The following PRH1 variants were observed in gnomAD, a reference collection of about 807,000 sequenced individuals.
PRH1 encodes the protein proline rich protein HaeIII subfamily 1.
Under a neutral mutation model 7.9 loss-of-function variants are expected in PRH1, and 7 were observed. That is an observed-to-expected ratio of 0.89 (90% confidence interval 0.50 to 1.67). The LOEUF (loss-of-function observed/expected upper bound fraction) is 1.67, where lower values mean the gene tolerates loss of function less well. Among genes scored for constraint, PRH1 ranks in the 40% most tolerant of loss-of-function variants. The pLI, the probability that PRH1 is intolerant of heterozygous loss-of-function variation, is 0.00. For missense variants in PRH1, 109 were observed against 223.6 expected (o/e 0.49, Z 3.27); for synonymous variants, 45 against 80.8 (o/e 0.56, Z 2.38).
chr12:10,938,168 G>T lies in PRH1; in HGVS notation c.-59+35487C>A, dbSNP rs528292977. On this transcript the variant is annotated intron_variant, in intron 2 of 3. Transcript: ENST00000539853. ...AGCATATCTTTGTAAAATTCACAAA[G>T]TTATACACAATGAAAGAATCTTAAG... The T allele has an allele frequency of 1.0e-3, 956 of 935,330 alleles. 13 individuals carry two copies. The South Asian group carries it at 0.016, about 16-fold the overall frequency. The allele number at this position is 935,330 out of a possible 1,614,324, so 57.9% of individuals were successfully genotyped here. A position where few individuals can be genotyped will look rare whatever the true frequency, so the allele number is the denominator to read the frequency against.
intron 1 of PRH1, among the ~76,000 whole-genome samples, chr12:11,114,785 CTTGT>C (rs1359880119): frequency 4.6e-5 from 7 of 152,046 alleles, no homozygotes; most frequent in Non-Finnish European, 1.0e-4. Flanking sequence ...TGTTTTTGTG[CTTGT>C]TTGTTTGCTT....
chr12:11,088,089 C>T (rs1297334238), intron 1 of PRH1, among the ~76,000 whole-genome samples: 2 of 129,974 alleles, frequency 1.5e-5, no homozygotes, highest in African/African-American at 2.7e-5. Context: ...GACTGTAATG[C>T]CATCATTTTA....
chr12:11,130,306 GT>G lies in PRH1; in HGVS notation n.40-9127del, dbSNP rs1386414166. Among the ~76,000 whole-genome samples the G allele has an allele frequency of 3.3e-5, 5 of 152,132 alleles. No homozygotes were observed. In the East Asian group the frequency reaches 9.6e-4, roughly 29 times the overall value. Reference sequence around the variant, plus strand: ...TTCAGGGACCGACAACATAGGTGATGTTTTAAGGTTTTTAGTGTCCCTAGTC... The same window carrying G: ...TTCAGGGACCGACAACATAGGTGATGTTTAAGGTTTTTAGTGTCCCTAGTC... On this transcript the variant is annotated intron_variant and non_coding_transcript_variant, in intron 1 of 1. Coordinates refer to the PRH1 transcript ENST00000541175.
At chr12:11,008,236 T>C (rs1177640657) in intron 1 of PRH1, among the ~76,000 whole-genome samples, 1 of 152,092 alleles carries the variant, frequency 6.6e-6, no homozygotes, top group African/African-American at 2.4e-5. Context: ...TAAGAATGCA[T>C]ATAAGTAGTT....
At chr12:10,959,721 C>A (rs777452790) in intron 2 of PRH1, among the ~76,000 whole-genome samples, 19 of 152,018 alleles carry the variant, frequency 1.2e-4, no homozygotes, top group Non-Finnish European at 2.4e-4. Flanking sequence ...ATCTGCAATG[C>A]TATATTAAAA....
At chr12:11,161,517 G>A (rs1467030491) in intron 1 of PRH1, among the ~76,000 whole-genome samples, 1 of 152,174 alleles carries the variant, frequency 6.6e-6, no homozygotes, top group East Asian at 1.9e-4. Context: ...GGCCCTAGGG[G>A]AAGTGGTTGA....
intron 1 of PRH1, among the ~76,000 whole-genome samples, chr12:10,995,496 C>T (rs902971943): frequency 4.6e-5 from 7 of 152,242 alleles, no homozygotes; most frequent in African/African-American, 1.7e-4. Context: ...AATATGTCAA[C>T]ACACTTTCTC....
At chr12:11,021,291 A>G (rs1214786296) in intron 1 of PRH1, among the ~76,000 whole-genome samples, 1 of 152,172 alleles carries the variant, frequency 6.6e-6, no homozygotes, top group Non-Finnish European at 1.5e-5. Context: ...AAGCACATAT[A>G]TGTGGTACAA....
At chr12:11,120,757 A>G (rs1945875784), downstream of PRH1, 1 of 152,080 alleles carries the variant, frequency 6.6e-6, no homozygotes. Context: ...TGTTGTGTAT[A>G]TATTTTTACT....
intron 1 of PRH1, among the ~76,000 whole-genome samples, chr12:11,104,741 C>G (rs1945361634): frequency 1.3e-5 from 2 of 150,070 alleles, no homozygotes; most frequent in Admixed American, 1.3e-4. Flanking sequence ...CCATACTCAG[C>G]CGAAATGATG....
At chr12:10,934,089 A>C (rs940203957) in intron 2 of PRH1, among the ~76,000 whole-genome samples, 3 of 152,162 alleles carry the variant, frequency 2.0e-5, no homozygotes, top group Non-Finnish European at 4.4e-5. Flanking sequence ...ATAATAAGAA[A>C]ATGATTATTC....
intron 1 of PRH1, among the ~76,000 whole-genome samples, chr12:11,012,839 G>C (rs182104635): frequency 5.6e-4 from 85 of 152,196 alleles, no homozygotes; most frequent in African/African-American, 1.9e-3. Context: ...ATACAGGCGT[G>C]AACTGCACCT....
At chr12:11,164,170 A>G (rs974895038) in intron 1 of PRH1, among the ~76,000 whole-genome samples, 19 of 152,224 alleles carry the variant, frequency 1.2e-4, no homozygotes, top group Non-Finnish European at 2.1e-4. Flanking sequence ...TGTTTCTAGA[A>G]GAGATGAGCA....
intron 2 of PRH1, among the ~76,000 whole-genome samples, chr12:10,890,908 T>C (rs1949564037): frequency 6.6e-6 from 1 of 151,810 alleles, no homozygotes. Flanking sequence ...CTTTTGTATT[T>C]CCTCACATGC....
downstream of PRH1, among the ~76,000 whole-genome samples, chr12:11,116,246 C>T (rs538046212): frequency 6.6e-6 from 1 of 151,982 alleles, no homozygotes; most frequent in African/African-American, 2.4e-5. Flanking sequence ...TTATTAGTGA[C>T]TACTATGAGC....
intron 1 of PRH1, among the ~76,000 whole-genome samples, chr12:11,075,308 C>G (rs34952639): frequency 0.28 from 38,366 of 136,308 alleles, 3,528 homozygotes; most frequent in East Asian, 0.57. Context: ...TATCATAATA[C>G]AAATATATCA....
intron 1 of PRH1, among the ~76,000 whole-genome samples, chr12:11,069,303 A>G (rs1334022500): frequency 5.0e-3 from 763 of 151,844 alleles, no homozygotes; most frequent in African/African-American, 0.017. Context: ...GTGAATAAAT[A>G]ATTAATATAA....
intron 2 of PRH1, among the ~76,000 whole-genome samples, chr12:10,898,303 G>T (rs1254675754): frequency 6.6e-6 from 1 of 152,104 alleles, no homozygotes; most frequent in Non-Finnish European, 1.5e-5. Context: ...AGGAGTCAAA[G>T]AAATGAATGA....
intron 2 of PRH1, among the ~76,000 whole-genome samples, chr12:10,915,787 C>T (rs1359570691): frequency 6.6e-6 from 1 of 152,214 alleles, no homozygotes; most frequent in Non-Finnish European, 1.5e-5. Flanking sequence ...TTCATCTGTC[C>T]TGTCTTTGCT....
Sources: allele counts gnomAD v4.1 joint callset (sites outside exome capture counted in the v4.1 genomes callset), GRCh38; gene constraint gnomAD v4.1.1; transcripts MANE v1.5; gene names NCBI Gene and HGNC (gene_info 2026-07-23, HGNC 2026-07-21).